The following CAST variants were observed in gnomAD, a reference collection of about 807,000 sequenced individuals.
CAST encodes the protein MIR583 host.
In CAST, 76 loss-of-function variants were observed where a neutral mutation model predicts 119.6. The ratio of observed to expected loss-of-function variants is 0.64; its 90% CI spans 0.53 to 0.77. The LOEUF is 0.77. Among genes scored for constraint, CAST ranks in the 30% least tolerant of loss-of-function variants. The pLI is 0.00. For synonymous variants in CAST, 319 were observed against 331.6 expected, an observed-to-expected ratio of 0.96 and a Z score of 0.41; for missense variants, 953 against 946.5, an observed-to-expected ratio of 1.01 and a Z score of -0.09.
chr5:96,065,734 T>G, the CAST span, among the ~76,000 whole-genome samples: 1 of 152,150 alleles, frequency 6.6e-6, no homozygotes, highest in Non-Finnish European at 1.5e-5. Flanking sequence ...CCCCTCAGCC[T>G]GTTGCCAGAG....
rs1748670326 is a variant in CAST at position 96,662,471 on chromosome 5, G to C, written c.49G>C (p.Ala17Pro). Reference protein sequence around the residue: ...KPAASPRPRRAAAARRTHEHV... With the variant: ...KPAASPRPRRPAAARRTHEHV... ...CGCCGCCTCCCCGCGGCCCCGGCGA[G>C]CAGCCGCCGCCCGCCGCACCCATGA... is the stretch of plus-strand genomic sequence containing the variant. Residue 17 changes from alanine (A) to proline (P), a missense_variant, in exon 1 of 32, where the codon GCA becomes CCA. Ala to Pro is a conservative substitution (Grantham distance 27). Transcript: ENST00000675179. 2.1e-6 allele frequency: 3 copies of C among 1,431,300 alleles called. No homozygotes were observed. Among genetic ancestry groups the C allele is most frequent in the Non-Finnish European group, 2.7e-6 (3 of 1,096,606 alleles). 88.7% of individuals were successfully genotyped at this position (1,431,300 alleles called of 1,614,324 possible).
chr5:96,771,140 T>C (rs979605826), intron 30 of CAST, among the ~76,000 whole-genome samples: 1 of 152,218 alleles, frequency 6.6e-6, no homozygotes, highest in African/African-American at 2.4e-5. Context: ...GTAGATTCCC[T>C]TAAGGGATAT....
chr5:96,700,356 A>G (rs1753733271), intron 3 of CAST, among the ~76,000 whole-genome samples: 1 of 152,244 alleles, frequency 6.6e-6, no homozygotes, highest in Non-Finnish European at 1.5e-5. Flanking sequence ...TAAATTAAGT[A>G]AACATAATAT....
At chr5:95,995,567 C>T in the CAST span, among the ~76,000 whole-genome samples, 2 of 151,726 alleles carry the variant, frequency 1.3e-5, no homozygotes, top group African/African-American at 4.8e-5. Flanking sequence ...TTGGCATACT[C>T]GATATTGGAT....
chr5:96,551,031 G>A (rs1746116537), intron 1 of CAST, among the ~76,000 whole-genome samples: 1 of 152,108 alleles, frequency 6.6e-6, no homozygotes, highest in Non-Finnish European at 1.5e-5. Context: ...AATCTAGCAA[G>A]GCAGGCCAAC....
chr5:96,609,672 TG>T (rs1732366344), intron 1 of CAST, among the ~76,000 whole-genome samples: 2 of 152,226 alleles, frequency 1.3e-5, no homozygotes, highest in African/African-American at 4.8e-5. Context: ...TGTATGTCTT[TG>T]AAGTAGGTGA....
chr5:96,699,646 T>A (rs1753659375), intron 3 of CAST, among the ~76,000 whole-genome samples: 1 of 152,188 alleles, frequency 6.6e-6, no homozygotes, highest in Admixed American at 6.5e-5. Flanking sequence ...CAGCTCATTC[T>A]TGTTTGGCAC....
the CAST span, among the ~76,000 whole-genome samples, chr5:96,327,163 T>G: frequency 4.6e-5 from 7 of 152,254 alleles, no homozygotes; most frequent in African/African-American, 1.7e-4. Context: ...ATTTGTCATC[T>G]GTAAAGTGGT....
chr5:96,711,074 C>T (rs1010806194), intron 3 of CAST, among the ~76,000 whole-genome samples: 1 of 152,170 alleles, frequency 6.6e-6, no homozygotes, highest in African/African-American at 2.4e-5. Flanking sequence ...TTCTCCAGCC[C>T]TTCTGACAAT....
At chr5:96,699,165 A>G (rs1431531581) in intron 3 of CAST, among the ~76,000 whole-genome samples, 3 of 152,226 alleles carry the variant, frequency 2.0e-5, no homozygotes, top group Non-Finnish European at 4.4e-5. Context: ...GACTCTTACT[A>G]AAGCCTATAT....
At chr5:96,094,103 C>A in the CAST span, among the ~76,000 whole-genome samples, 1 of 152,188 alleles carries the variant, frequency 6.6e-6, no homozygotes, top group Non-Finnish European at 1.5e-5. Flanking sequence ...ATTGACTTTG[C>A]CACTTAGTTA....
the CAST span, among the ~76,000 whole-genome samples, chr5:96,266,829 C>T: frequency 6.6e-6 from 1 of 152,086 alleles, no homozygotes; most frequent in Non-Finnish European, 1.5e-5. Flanking sequence ...CAAAAAGAAA[C>T]CAGTGACTGA....
the CAST span, among the ~76,000 whole-genome samples, chr5:96,230,601 G>A: frequency 1.3e-5 from 2 of 152,012 alleles, no homozygotes; most frequent in South Asian, 2.1e-4. Flanking sequence ...TGATTTCTTC[G>A]ATATGACTCC....
At chr5:96,529,571 A>G (rs545222560), upstream of CAST, among the ~76,000 whole-genome samples, 14 of 152,188 alleles carry the variant, frequency 9.2e-5, no homozygotes, top group Middle Eastern at 3.4e-3. Context: ...GCTTTTTGAG[A>G]TTTCAGCATT....
At chr5:96,339,757 C>T in the CAST span, among the ~76,000 whole-genome samples, 9 of 152,160 alleles carry the variant, frequency 5.9e-5, no homozygotes, top group African/African-American at 2.2e-4. Flanking sequence ...CTGCTGAGGA[C>T]AGGAACTCTT....
At chr5:96,526,105 A>AT (rs1356830340), upstream of CAST, among the ~76,000 whole-genome samples, 4 of 152,148 alleles carry the variant, frequency 2.6e-5, no homozygotes, top group African/African-American at 7.2e-5. Flanking sequence ...TTCTCAAGAG[A>AT]TTTTTTCTTC....
the CAST span, among the ~76,000 whole-genome samples, chr5:96,025,703 A>G: frequency 1.3e-5 from 2 of 152,326 alleles, no homozygotes; most frequent in African/African-American, 4.8e-5. Context: ...CTGCAGAGAC[A>G]AGAAGCTCAA....
At chr5:96,217,187 C>T in the CAST span, among the ~76,000 whole-genome samples, 1 of 137,086 alleles carries the variant, frequency 7.3e-6, no homozygotes, top group African/African-American at 2.7e-5. Context: ...TACAGGTATA[C>T]ACCACCATGC....
intron 27 of CAST, 37 bp from the exon 28 acceptor site, chr5:96,767,401 T>A: frequency 7.0e-6 from 11 of 1,562,890 alleles, no homozygotes; most frequent in Non-Finnish European, 7.1e-6. Flanking sequence ...CCTTTACAGA[T>A]ATCTATGCTT....
Sources: gnomAD v4.1 joint callset for allele counts (sites outside exome capture counted in the v4.1 genomes callset) on GRCh38, gnomAD v4.1.1 for gene constraint, MANE v1.5 for transcripts, NCBI Gene and HGNC (gene_info 2026-07-23, HGNC 2026-07-21) for gene names.